Variants in FAM169A observed in about 807,000 individuals in gnomAD.
The protein encoded by FAM169A is soluble lamin-associated protein of 75 kDa.
Under a neutral mutation model 75.7 loss-of-function variants are expected in FAM169A, and 24 were observed. The ratio of observed to expected loss-of-function variants is 0.32; its 90% CI spans 0.23 to 0.45. The LOEUF is 0.45. FAM169A is among the 20% of genes least tolerant of loss of function. FAM169A has a pLI of 1.00. For missense variants in FAM169A, 673 were observed against 784.0 expected (o/e 0.86, Z 1.69); for synonymous variants, 271 against 271.0 (o/e 1.00, Z 0.00).
intron 11 of FAM169A, among the ~76,000 whole-genome samples, chr5:74,795,336 GATTTTTTCAAGAA>G (rs1290717396): frequency 2.6e-5 from 4 of 152,094 alleles, no homozygotes; most frequent in Non-Finnish European, 5.9e-5. Context: ...ACAGCTGAAA[GATTTTTTCAAGAA>G]ATTTATGAAC....
intron 11 of FAM169A, 117 bp downstream of exon 11, chr5:74,795,913 C>G: frequency 9.3e-7 from 1 of 1,072,024 alleles, no homozygotes; most frequent in Non-Finnish European, 1.3e-6. Flanking sequence ...ATTTTTAACA[C>G]TAAACGCAAT....
At position 74,819,501 on chromosome 5, in the gene FAM169A, A is replaced by C. The variant is rs72764672; in HGVS notation, c.491-5482T>G. On this transcript the variant is annotated intron_variant, in intron 5 of 12. Transcript: ENST00000687041. The stretch of plus-strand genomic sequence containing the variant: ...ATGGAAGACAGTTTGGCAGTTTCTC[A>C]AAAGGCGAAACGGAGTTACCATATG... Among the ~76,000 whole-genome samples the C allele has an allele frequency of 2.8e-3, 425 of 152,326 alleles. 3 individuals are homozygous for C. Among genetic ancestry groups the C allele is most frequent in the Admixed American group, 5.6e-3 (85 of 15,298 alleles).
chr5:74,836,663 G>A (rs114003112), intron 4 of FAM169A, among the ~76,000 whole-genome samples: 368 of 152,232 alleles, frequency 2.4e-3, no homozygotes, highest in African/African-American at 8.4e-3. Context: ...AAGAGGGAAC[G>A]TAGGCCAGGA....
intron 10 of FAM169A, chr5:74,799,681 G>A: frequency 7.9e-7 from 1 of 1,266,334 alleles, no homozygotes; most frequent in Non-Finnish European, 1.2e-6. Flanking sequence ...CACCATGTCT[G>A]CTGCTGATGC....
intron 1 of FAM169A, among the ~76,000 whole-genome samples, chr5:74,860,680 CTAAG>C (rs1561330894): frequency 6.6e-6 from 1 of 152,048 alleles, no homozygotes; most frequent in African/African-American, 2.4e-5. Context: ...GATAAGATTT[CTAAG>C]TAAGAGCAAG....
At chr5:74,792,727 G>A (rs373121089) in intron 11 of FAM169A, among the ~76,000 whole-genome samples, 4 of 152,292 alleles carry the variant, frequency 2.6e-5, no homozygotes, top group African/African-American at 9.6e-5. Context: ...TCTTACCCCT[G>A]TAAGTATGGC....
intron 5 of FAM169A, among the ~76,000 whole-genome samples, chr5:74,819,533 C>T (rs544170992): frequency 1.3e-4 from 20 of 152,282 alleles, no homozygotes; most frequent in African/African-American, 4.8e-4. Flanking sequence ...TATGACCCAG[C>T]AATTCCACAA....
intron 11 of FAM169A, among the ~76,000 whole-genome samples, chr5:74,789,826 T>A (rs1745884504): frequency 6.6e-6 from 1 of 152,216 alleles, no homozygotes; most frequent in Admixed American, 6.5e-5. Context: ...CTCTAAGATT[T>A]TGGAGCAAGG....
intron 10 of FAM169A, among the ~76,000 whole-genome samples, chr5:74,800,459 T>A (rs952382962): frequency 1.6e-4 from 25 of 152,114 alleles, no homozygotes; most frequent in Admixed American, 1.5e-3. Flanking sequence ...ACCATCAAAT[T>A]CAGCGTGGTG....
At chr5:74,830,271 AAAAG>A (rs1748246684) in intron 5 of FAM169A, among the ~76,000 whole-genome samples, 1 of 152,180 alleles carries the variant, frequency 6.6e-6, no homozygotes, top group East Asian at 1.9e-4. Flanking sequence ...ATAATATAGG[AAAAG>A]AAAGAAGTAA....
chr5:74,825,869 A>C (rs1031703955), intron 5 of FAM169A, among the ~76,000 whole-genome samples: 2 of 152,104 alleles, frequency 1.3e-5, no homozygotes, highest in South Asian at 2.1e-4. Flanking sequence ...ATTTCACAAT[A>C]ATCTTGGTAT....
chr5:74,859,409 C>A (rs1042837360), intron 1 of FAM169A, among the ~76,000 whole-genome samples: 1 of 150,462 alleles, frequency 6.6e-6, no homozygotes, highest in African/African-American at 2.4e-5. Context: ...CCTGCCTCAG[C>A]CTCCTGAGTA....
Position 74,804,585 on chromosome 5 carries a change from T to C in FAM169A, c.820A>G (p.Lys274Glu). The C allele has an allele frequency of 1.2e-6, 2 of 1,607,614 alleles. No homozygotes were observed. ...KILALSQNEP[K>E]RPMSGEYGPA... is the part of the protein sequence containing the mutation. ...CCATATTCTCCAGACATAGGTCTTT[T>C]AGGTTCATTTTGAGAAAGTGCTGCG... Residue 274 changes from lysine to glutamate, a missense_variant, in exon 8 of 13, where the codon AAA (lysine) becomes GAA (glutamate). Physicochemically the swap from Lys to Glu is moderately conservative, Grantham distance 56. This residue lies in a region of FAM169A where 510 missense variants were observed against 550.9 expected (regional missense o/e 0.93). Transcript: ENST00000687041.
Position 74,789,804 on chromosome 5 carries a change from C to T in FAM169A, c.1260+6226G>A, listed in dbSNP as rs375710887. ...CTTTGGCAGGCTCCCATAGGTGAAT[C>T]GCAGTGGAGGCCTCTAAGATTTTGG... On this transcript the variant is annotated intron_variant, in intron 11 of 12. Coordinates refer to ENST00000687041, the MANE Select transcript of FAM169A (RefSeq NM_001376049.1). Among the ~76,000 whole-genome samples, 32 of 152,316 alleles carry T rather than the reference C, an allele frequency of 2.1e-4. No individual in the cohort carries two copies. The East Asian group carries it at 4.1e-3, about 19-fold the overall frequency.
chr5:74,787,471 G>A (rs1745752957), intron 11 of FAM169A, among the ~76,000 whole-genome samples: 1 of 152,188 alleles, frequency 6.6e-6, no homozygotes, highest in Non-Finnish European at 1.5e-5. Flanking sequence ...TCCCAGCTGG[G>A]AGGGTCCAGA....
chr5:74,849,852 A>G (rs1749350317), intron 1 of FAM169A, among the ~76,000 whole-genome samples: 1 of 152,222 alleles, frequency 6.6e-6, no homozygotes, highest in South Asian at 2.1e-4. Flanking sequence ...AATAACTGCT[A>G]CAACTATCAA....
chr5:74,837,947 G>C (rs1419306080), intron 4 of FAM169A, among the ~76,000 whole-genome samples: 2 of 151,348 alleles, frequency 1.3e-5, no homozygotes, highest in Non-Finnish European at 1.5e-5. Context: ...GAGAAACATC[G>C]TCGCTACTAA....
At chr5:74,786,401 T>G (rs1745696187) in intron 11 of FAM169A, among the ~76,000 whole-genome samples, 1 of 152,202 alleles carries the variant, frequency 6.6e-6, no homozygotes, top group Non-Finnish European at 1.5e-5. Flanking sequence ...GTTGGCTCCT[T>G]AATATGATCA....
chr5:74,855,183 T>A (rs1319917511), intron 1 of FAM169A, among the ~76,000 whole-genome samples: 1 of 152,206 alleles, frequency 6.6e-6, no homozygotes, highest in South Asian at 2.1e-4. Flanking sequence ...CTCACTGTAG[T>A]TTGTTTTTTG....
Sources: gnomAD v4.1 joint callset for allele counts (sites outside exome capture counted in the v4.1 genomes callset) on GRCh38, gnomAD v4.1.1 for gene constraint, gnomAD v4.1.1 regional missense constraint, MANE v1.5 for transcripts, NCBI Gene and HGNC (gene_info 2026-07-23, HGNC 2026-07-21) for gene names.